The following DNA2 variants were observed in gnomAD, a reference collection of about 807,000 sequenced individuals.
DNA2 encodes DNA replication ATP-dependent helicase/nuclease DNA2.
Under a neutral mutation model 119.1 loss-of-function variants are expected in DNA2, and 101 were observed. The ratio of observed to expected loss-of-function variants is 0.85; its 90% CI spans 0.72 to 1.00. The LOEUF (loss-of-function observed/expected upper bound fraction) is 1.00. Among genes scored for constraint, DNA2 ranks in the 50% least tolerant of loss-of-function variants. The probability of loss-of-function intolerance (pLI) is 0.00; values close to 1 mark genes in which losing one functional copy is unlikely to be tolerated. For missense variants in DNA2, 1,121 were observed against 1,255.5 expected, an observed-to-expected ratio of 0.89 and a Z score of 1.62; for synonymous variants, 366 against 424.4, an observed-to-expected ratio of 0.86 and a Z score of 1.69.
At chr10:68,455,651 C>G (rs1399564533) in intron 5 of DNA2, among the ~76,000 whole-genome samples, 3 of 151,410 alleles carry the variant, frequency 2.0e-5, no homozygotes, top group Admixed American at 1.3e-4. Context: ...TGAAACCTCG[C>G]CTCTACTAAA....
chr10:68,452,514 AC>A (rs2052132463), intron 5 of DNA2, among the ~76,000 whole-genome samples: 1 of 152,176 alleles, frequency 6.6e-6, no homozygotes, highest in African/African-American at 2.4e-5. Context: ...GGTTAAAAAA[AC>A]TTTTAAAGTT....
intron 8 of DNA2, among the ~76,000 whole-genome samples, chr10:68,443,975 G>A (rs189756799): frequency 8.8e-4 from 134 of 151,866 alleles, no homozygotes; most frequent in African/African-American, 3.0e-3. Flanking sequence ...AAAGTATTTC[G>A]GCATAGTGCA....
At chr10:68,430,176 CA>C (rs1178889685) in intron 14 of DNA2, among the ~76,000 whole-genome samples, 1 of 152,034 alleles carries the variant, frequency 6.6e-6, no homozygotes, top group Non-Finnish European at 1.5e-5. Context: ...TAAGCCATCG[CA>C]CCTGGCTGAA....
chr10:68,460,648 T>G lies in DNA2; in HGVS notation c.588-1413A>C, dbSNP rs189633323. ...GTCTTGAACCCCTGACCTCACGTGATCTGCCCGCCTCGGCCTCTGAAAGTG... is the reference window on the plus strand; with the variant it reads ...GTCTTGAACCCCTGACCTCACGTGAGCTGCCCGCCTCGGCCTCTGAAAGTG... On this transcript the variant is annotated intron_variant, in intron 4 of 20. Coordinates refer to ENST00000358410, the MANE Select transcript of DNA2 (RefSeq NM_001080449.3). 2.6e-3 allele frequency among the ~76,000 whole-genome samples: 396 copies of G among 152,180 alleles called. 3 individuals carry two copies. Among genetic ancestry groups the G allele is most frequent in the South Asian group, 4.8e-3 (23 of 4,824 alleles).
chr10:68,438,064 G>C (rs1487823660), intron 9 of DNA2, among the ~76,000 whole-genome samples: 1 of 152,122 alleles, frequency 6.6e-6, no homozygotes, highest in African/African-American at 2.4e-5. Flanking sequence ...GAAAGTGCTA[G>C]GGATCGCCCC....
chr10:68,443,234 T>C, intron 8 of DNA2, 123 bp from the exon 9 acceptor site: 1 of 834,308 alleles, frequency 1.2e-6, no homozygotes, highest in South Asian at 2.1e-5. Context: ...CCACAGCCCC[T>C]AATGTTCCTT....
At chr10:68,459,382 T>C (rs1490453906) in intron 4 of DNA2, 147 bp from the exon 5 acceptor site, 1 of 784,876 alleles carries the variant, frequency 1.3e-6, no homozygotes, top group Non-Finnish European at 1.9e-6. Flanking sequence ...AGCCAATAAA[T>C]GGATAAACAA....
At chr10:68,442,053 T>A (rs1175576044) in intron 9 of DNA2, among the ~76,000 whole-genome samples, 1 of 151,604 alleles carries the variant, frequency 6.6e-6, no homozygotes, top group Non-Finnish European at 1.5e-5. Context: ...ATCCTGGGAC[T>A]ACAGACATGC....
intron 4 of DNA2, among the ~76,000 whole-genome samples, chr10:68,465,286 G>A (rs1007392877): frequency 9.2e-5 from 14 of 151,888 alleles, no homozygotes; most frequent in South Asian, 2.1e-4. Context: ...CAAAGTGCTG[G>A]GATTACAGGC....
At chr10:68,420,889 C>T (rs1277376032) in intron 17 of DNA2, among the ~76,000 whole-genome samples, 1 of 152,064 alleles carries the variant, frequency 6.6e-6, no homozygotes, top group African/African-American at 2.4e-5. Flanking sequence ...TGAGAAACCT[C>T]TGTACTTTCC....
At chr10:68,435,132 C>A (rs2051871083) in intron 10 of DNA2, among the ~76,000 whole-genome samples, 1 of 152,118 alleles carries the variant, frequency 6.6e-6, no homozygotes, top group South Asian at 2.1e-4. Context: ...CAGCTCACTG[C>A]AGCCTCAACC....
chr10:68,448,382 T>C (rs191554436), intron 6 of DNA2, among the ~76,000 whole-genome samples: 2 of 152,284 alleles, frequency 1.3e-5, no homozygotes, highest in African/African-American at 2.4e-5. Flanking sequence ...TAAGTCAATA[T>C]AGCAAGACCC....
Position 68,432,420 on chromosome 10 carries a change from G to A in DNA2, c.1737C>T (p.Ser579=). 1 of 1,596,866 alleles carries A rather than the reference G, an allele frequency of 6.3e-7. No homozygotes were observed. Among genetic ancestry groups the A allele is most frequent in the Non-Finnish European group, 8.5e-7 (1 of 1,170,350 alleles). ...TGACAAACGTGTTTTCCATCAATTTGGAAAGATTTCCTAATGGGGTATCTA... is the reference window on the plus strand; with the variant it reads ...TGACAAACGTGTTTTCCATCAATTTAGAAAGATTTCCTAATGGGGTATCTA... ...CDIDTPLGNL[S]KLMENTFVSK... The change falls in exon 11 of 21, where the codon TCC becomes TCT. Residue 579 remains serine (S), a synonymous_variant. Coordinates refer to ENST00000358410, the MANE Select transcript of DNA2 (RefSeq NM_001080449.3).
chr10:68,460,188 C>T (rs1401637361), intron 4 of DNA2, among the ~76,000 whole-genome samples: 1 of 152,042 alleles, frequency 6.6e-6, no homozygotes, highest in Admixed American at 6.6e-5. Context: ...CTCATTGCAA[C>T]CTCTGCCTTA....
chr10:68,436,171 A>C (rs1027618137), intron 10 of DNA2, among the ~76,000 whole-genome samples: 10 of 152,208 alleles, frequency 6.6e-5, no homozygotes, highest in Non-Finnish European at 1.2e-4. Flanking sequence ...AAACAACTCA[A>C]ATGTCCATCA....
chr10:68,464,413 G>A (rs896225142), intron 4 of DNA2, among the ~76,000 whole-genome samples: 2 of 152,180 alleles, frequency 1.3e-5, no homozygotes, highest in East Asian at 3.9e-4. Flanking sequence ...TACTCGAGAG[G>A]CTGAGGCAGG....
chr10:68,421,042 G>GCC, intron 17 of DNA2, among the ~76,000 whole-genome samples: 1 of 151,718 alleles, frequency 6.6e-6, no homozygotes, highest in Non-Finnish European at 1.5e-5. Flanking sequence ...AGGTTCAAGC[G>GCC]ATTCTCCTGC....
chr10:68,438,150 C>A (rs1380334170), intron 9 of DNA2, among the ~76,000 whole-genome samples: 1 of 152,142 alleles, frequency 6.6e-6, no homozygotes, highest in Non-Finnish European at 1.5e-5. Context: ...GGGGTAGATA[C>A]CCCCACTTCT....
At chr10:68,428,440 C>T (rs1270088492) in intron 14 of DNA2, among the ~76,000 whole-genome samples, 3 of 151,904 alleles carry the variant, frequency 2.0e-5, no homozygotes, top group Non-Finnish European at 4.4e-5. Flanking sequence ...GAACATGCAA[C>T]TACCAATCAA....
Sources: allele counts gnomAD v4.1 joint callset (sites outside exome capture counted in the v4.1 genomes callset), GRCh38; gene constraint gnomAD v4.1.1; transcripts MANE v1.5; gene names NCBI Gene and HGNC (gene_info 2026-07-23, HGNC 2026-07-21).